The following RANBP2 variants were observed in gnomAD, a reference collection of about 807,000 sequenced individuals.
The protein encoded by RANBP2 is E3 SUMO-protein ligase RanBP2.
RANBP2 carries 57 observed loss-of-function variants against 303.6 expected under a neutral mutation model. The observed-to-expected ratio is 0.19, with a 90% CI of 0.15 to 0.23. RANBP2 has a LOEUF of 0.23. Ranked by LOEUF, RANBP2 falls within the 10% of genes least tolerant of loss-of-function variation. The pLI, the probability that RANBP2 is intolerant of heterozygous loss-of-function variation, is 1.00. For synonymous variants in RANBP2, 1,167 were observed against 1,301.5 expected (o/e 0.90, Z 2.23); for missense variants, 3,138 against 3,780.8 (o/e 0.83, Z 4.46).
chr2:108,973,767 T>C, the RANBP2 span, among the ~76,000 whole-genome samples: 1 of 152,286 alleles, frequency 6.6e-6, no homozygotes, highest in East Asian at 1.9e-4. Flanking sequence ...GGCTTCCATC[T>C]CACAATAACG....
the RANBP2 span, among the ~76,000 whole-genome samples, chr2:109,314,034 A>G: frequency 6.6e-6 from 1 of 152,168 alleles, no homozygotes; most frequent in African/African-American, 2.4e-5. Flanking sequence ...CTGGACACTG[A>G]GAAAAGGAAG....
chr2:109,492,357 G>C, the RANBP2 span, among the ~76,000 whole-genome samples: 1 of 152,174 alleles, frequency 6.6e-6, no homozygotes, highest in Non-Finnish European at 1.5e-5. Context: ...TGGGGCTCCA[G>C]AGTGGACAGG....
chr2:108,836,468 CT>C, the RANBP2 span, among the ~76,000 whole-genome samples: 1 of 152,212 alleles, frequency 6.6e-6, no homozygotes, highest in Non-Finnish European at 1.5e-5. Context: ...TGAATATGGA[CT>C]TGCAAATATC....
chr2:108,782,517 C>T lies in RANBP2; in HGVS notation c.9035-11C>T, dbSNP rs1202999537. ...ACTAAGGTCACTGCTTCCCCTTTCC[C>T]TCCCTGCCAGATGGAGAAGCAAAAG... On this transcript the variant is annotated splice_polypyrimidine_tract_variant and intron_variant, in intron 27 of 28. Transcript: ENST00000283195. 5.6e-6 allele frequency: 9 copies of T among 1,613,870 alleles called. No homozygotes were observed. Among genetic ancestry groups the T allele is most frequent in the Non-Finnish European group, 7.6e-6 (9 of 1,179,910 alleles).
the RANBP2 span, among the ~76,000 whole-genome samples, chr2:109,196,336 G>A: frequency 9.7e-4 from 148 of 152,304 alleles, no homozygotes; most frequent in African/African-American, 3.2e-3. Context: ...AAGGCCTGGC[G>A]TTGGGCTGTG....
chr2:109,437,244 T>C, the RANBP2 span: 3 of 1,455,400 alleles, frequency 2.1e-6, no homozygotes, highest in Non-Finnish European at 2.7e-6. Context: ...CAGCAGTGCA[T>C]GTGTGGCTGG....
the RANBP2 span, among the ~76,000 whole-genome samples, chr2:109,090,310 T>TCACACACACTCACACA: frequency 1.8e-5 from 2 of 109,692 alleles, no homozygotes; most frequent in African/African-American, 7.6e-5. Context: ...ACACCTCGCC[T>TCACACACACTCACACA]CACACACACA....
chr2:108,828,111 T>G, the RANBP2 span, among the ~76,000 whole-genome samples: 1 of 151,904 alleles, frequency 6.6e-6, no homozygotes, highest in Non-Finnish European at 1.5e-5. Flanking sequence ...AAACTACTGG[T>G]TTACCATTAA....
chr2:109,656,997 TG>T, the RANBP2 span, among the ~76,000 whole-genome samples: 2 of 152,220 alleles, frequency 1.3e-5, no homozygotes, highest in African/African-American at 4.8e-5. Context: ...GACAATATTC[TG>T]GCCCATTATT....
intron 9 of RANBP2, among the ~76,000 whole-genome samples, chr2:108,750,478 C>A (rs2912845): frequency 2.0e-5 from 3 of 152,168 alleles, no homozygotes. Context: ...GAGACAAAGG[C>A]CATGAACATC....
the RANBP2 span, among the ~76,000 whole-genome samples, chr2:109,700,717 G>C: frequency 6.6e-6 from 1 of 152,020 alleles, no homozygotes; most frequent in African/African-American, 2.4e-5. Flanking sequence ...GTGAATACTT[G>C]GCAGTCTTAT....
the RANBP2 span, among the ~76,000 whole-genome samples, chr2:109,270,156 T>G: frequency 6.6e-6 from 1 of 152,034 alleles, no homozygotes; most frequent in African/African-American, 2.4e-5. Flanking sequence ...CCTGGGGGTG[T>G]TGGAGGAGTG....
Position 108,753,892 on chromosome 2 carries a change from A to T in RANBP2, c.2123A>T (p.Lys708Ile). 6.2e-7 allele frequency: 1 copy of T among 1,612,062 alleles called. No individual in the cohort carries two copies. Among genetic ancestry groups the T allele is most frequent in the Non-Finnish European group, 8.5e-7 (1 of 1,179,866 alleles). The part of the protein sequence containing the change: ...ALSPEEQEEC[K>I]NYLRKTRDYL... ...TCTCCTGAAGAACAAGAAGAATGCA[A>T]AAATTATCTGAGAAAGACCAGGGAC... The change falls in exon 15 of 29, where the codon AAA (lysine) becomes ATA (isoleucine). Residue 708 changes from lysine to isoleucine, a missense_variant. Physicochemically the swap from Lys to Ile is moderately radical, Grantham distance 102. Transcript: ENST00000283195.
chr2:109,136,670 C>T, the RANBP2 span, among the ~76,000 whole-genome samples: 11 of 152,136 alleles, frequency 7.2e-5, no homozygotes, highest in Non-Finnish European at 1.2e-4. Flanking sequence ...TTGGGTAGCA[C>T]GTGTTTACAT....
the RANBP2 span, among the ~76,000 whole-genome samples, chr2:109,372,848 G>A: frequency 0.019 from 2,949 of 152,276 alleles, 93 homozygotes; most frequent in African/African-American, 0.061. Context: ...CGGGTGACAC[G>A]GCCAGCTTTG....
chr2:109,608,722 T>C, the RANBP2 span, among the ~76,000 whole-genome samples: 1 of 152,248 alleles, frequency 6.6e-6, no homozygotes, highest in Non-Finnish European at 1.5e-5. Flanking sequence ...GACTATGAGA[T>C]ACATGATTCC....
the RANBP2 span, among the ~76,000 whole-genome samples, chr2:109,259,277 C>G: frequency 6.6e-6 from 1 of 152,182 alleles, no homozygotes; most frequent in Non-Finnish European, 1.5e-5. Flanking sequence ...GCTGCTGGCT[C>G]CTGAACAACT....
chr2:109,433,216 A>G, the RANBP2 span, among the ~76,000 whole-genome samples: 4 of 152,268 alleles, frequency 2.6e-5, no homozygotes, highest in African/African-American at 4.8e-5. Context: ...AGTGTGTGTC[A>G]TCATATATAG....
the RANBP2 span, among the ~76,000 whole-genome samples, chr2:109,475,673 A>G: frequency 6.0e-4 from 92 of 152,266 alleles, no homozygotes; most frequent in South Asian, 2.5e-3. Context: ...CAGCATCCCA[A>G]TTTCTACTTT....
Sources: gnomAD v4.1 joint callset for allele counts (sites outside exome capture counted in the v4.1 genomes callset) on GRCh38, gnomAD v4.1.1 for gene constraint, MANE v1.5 for transcripts, NCBI Gene and HGNC (gene_info 2026-07-23, HGNC 2026-07-21) for gene names.